Variants in SEMA3A observed in about 807,000 individuals in gnomAD.
The protein encoded by SEMA3A is semaphorin-3A.
In SEMA3A, 29 loss-of-function variants were observed where a neutral mutation model predicts 97.9. That is an observed-to-expected ratio of 0.30 (90% CI 0.22 to 0.40). The LOEUF (loss-of-function observed/expected upper bound fraction) is 0.40, where lower values mean the gene tolerates loss of function less well. SEMA3A is among the 10% of genes least tolerant of loss of function. The probability of loss-of-function intolerance (pLI) is 1.00; values close to 1 mark genes in which losing one functional copy is unlikely to be tolerated. For missense variants in SEMA3A, 763 were observed against 951.3 expected (o/e 0.80, Z 2.60); for synonymous variants, 321 against 323.7 (o/e 0.99, Z 0.09).
intron 3 of SEMA3A, among the ~76,000 whole-genome samples, chr7:84,123,739 A>C (rs1795704385): frequency 7.0e-6 from 1 of 142,550 alleles, no homozygotes; most frequent in South Asian, 2.2e-4. Flanking sequence ...ATATATTTAA[A>C]ATATACAATT....
At chr7:84,143,627 A>G (rs987240559) in intron 1 of SEMA3A, among the ~76,000 whole-genome samples, 9 of 143,754 alleles carry the variant, frequency 6.3e-5, no homozygotes, top group African/African-American at 2.3e-4. Flanking sequence ...AGGCCAAGGT[A>G]GGAGGATTGC....
intron 1 of SEMA3A, among the ~76,000 whole-genome samples, chr7:84,378,412 A>G (rs938836231): frequency 2.0e-5 from 3 of 152,146 alleles, no homozygotes; most frequent in African/African-American, 4.8e-5. Context: ...CTTTGCAGGG[A>G]CATGGGCGAA....
At chr7:84,443,601 T>C (rs1251498924) in intron 1 of SEMA3A, among the ~76,000 whole-genome samples, 1 of 152,194 alleles carries the variant, frequency 6.6e-6, no homozygotes, top group African/African-American at 2.4e-5. Context: ...GAAATTGCTC[T>C]TCTTTGTTAA....
At chr7:84,195,231 G>C (rs1325568541), upstream of SEMA3A, 1 of 152,114 alleles carries the variant, frequency 6.6e-6, no homozygotes, top group Non-Finnish European at 1.5e-5. Context: ...GTAGAGATTA[G>C]AGCCGGGAGC....
intron 1 of SEMA3A, among the ~76,000 whole-genome samples, chr7:84,476,865 A>G (rs1361998997): frequency 3.3e-5 from 5 of 151,868 alleles, no homozygotes; most frequent in Non-Finnish European, 7.4e-5. Flanking sequence ...TAGAGACATA[A>G]CTACGATTAT....
Position 84,279,414 on chromosome 7 carries a change from C to T in SEMA3A, c.-83+27793G>A, listed in dbSNP as rs74701926. On this transcript the variant is annotated intron_variant, in intron 3 of 3. Transcript: ENST00000424555. ...CTTGGAGAAATACTGGAAAATTCCACATTGAGGAACATTCTACAAAATCAA... is the reference window on the plus strand; with the variant it reads ...CTTGGAGAAATACTGGAAAATTCCATATTGAGGAACATTCTACAAAATCAA... 6.2e-3 allele frequency among the ~76,000 whole-genome samples: 937 copies of T among 151,352 alleles called. 45 individuals carry two copies. The East Asian group carries it at 0.12, about 19-fold the overall frequency.
chr7:84,307,040 T>C (rs501174), intron 3 of SEMA3A, among the ~76,000 whole-genome samples: 102,781 of 151,354 alleles, frequency 0.68, 34,996 homozygotes, highest in Middle Eastern at 0.71. Context: ...TGGAGCCCTC[T>C]CATCTACCCA....
chr7:84,248,713 T>G (rs1799531279), intron 3 of SEMA3A, among the ~76,000 whole-genome samples: 1 of 152,130 alleles, frequency 6.6e-6, no homozygotes, highest in Non-Finnish European at 1.5e-5. Flanking sequence ...ACAACTCCAC[T>G]CTTTGATCTC....
At chr7:84,057,649 A>G (rs954443421) in intron 5 of SEMA3A, among the ~76,000 whole-genome samples, 2 of 151,836 alleles carry the variant, frequency 1.3e-5, no homozygotes, top group African/African-American at 4.8e-5. Flanking sequence ...CCTGTAGTCT[A>G]AGCTACTCAG....
chr7:84,432,394 C>T (rs1405867395), intron 1 of SEMA3A, among the ~76,000 whole-genome samples: 2 of 151,622 alleles, frequency 1.3e-5, no homozygotes, highest in African/African-American at 4.8e-5. Context: ...TTTATTATTT[C>T]AACATTTATT....
chr7:84,436,545 T>G (rs537371003), intron 1 of SEMA3A, among the ~76,000 whole-genome samples: 1 of 152,316 alleles, frequency 6.6e-6, no homozygotes. Context: ...AAAGTCTTTC[T>G]TTTATTCTTT....
chr7:84,062,478 T>C (rs1040486954), intron 4 of SEMA3A, among the ~76,000 whole-genome samples: 10 of 152,056 alleles, frequency 6.6e-5, no homozygotes, highest in African/African-American at 2.4e-4. Context: ...ACGCAGAAGA[T>C]GGTGATTTCT....
chr7:84,052,592 T>A (rs1198092123), intron 5 of SEMA3A, among the ~76,000 whole-genome samples: 1 of 152,128 alleles, frequency 6.6e-6, no homozygotes, highest in Non-Finnish European at 1.5e-5. Flanking sequence ...TCTATTTGAT[T>A]CTTCTCTCTT....
At chr7:84,062,710 G>A (rs538942364) in intron 4 of SEMA3A, among the ~76,000 whole-genome samples, 34 of 152,300 alleles carry the variant, frequency 2.2e-4, no homozygotes, top group African/African-American at 7.7e-4. Flanking sequence ...CGCTTTTCCG[G>A]CGGGCTTAAA....
chr7:84,200,027 G>A (rs576281688), upstream of SEMA3A, among the ~76,000 whole-genome samples: 6 of 152,060 alleles, frequency 3.9e-5, no homozygotes, highest in South Asian at 1.2e-3. Context: ...TCAATCTGTA[G>A]GGAAGCATTA....
intron 1 of SEMA3A, among the ~76,000 whole-genome samples, chr7:84,436,042 C>A (rs1189120245): frequency 1.3e-5 from 2 of 152,116 alleles, no homozygotes; most frequent in Non-Finnish European, 2.9e-5. Context: ...CTAAAACTAT[C>A]TGATGTTCAA....
intron 3 of SEMA3A, among the ~76,000 whole-genome samples, chr7:84,284,376 A>G (rs1024713846): frequency 1.3e-5 from 2 of 152,112 alleles, no homozygotes; most frequent in African/African-American, 2.4e-5. Flanking sequence ...TTCAATCACT[A>G]TGATTCAGGA....
chr7:84,105,840 T>C (rs1473164349), intron 4 of SEMA3A, among the ~76,000 whole-genome samples: 4 of 152,286 alleles, frequency 2.6e-5, no homozygotes, highest in Middle Eastern at 3.4e-3. Flanking sequence ...TCCAAACTCA[T>C]GTGTACTCTA....
In SEMA3A at chr7:84,109,619, T is replaced by C. The variant is rs988414314; in HGVS notation, c.453+851A>G. ...AAAGTTTAAGTTATAAAGAAGTAACTACCAGGTCAATTTTATCTTATCTTT... is the reference window on the plus strand; with the variant it reads ...AAAGTTTAAGTTATAAAGAAGTAACCACCAGGTCAATTTTATCTTATCTTT... On this transcript the variant is annotated intron_variant, in intron 4 of 16. Coordinates refer to ENST00000265362, the MANE Select transcript of SEMA3A (RefSeq NM_006080.3). 3.3e-5 allele frequency among the ~76,000 whole-genome samples: 5 copies of C among 152,202 alleles called. No individual in the cohort carries two copies. The South Asian group carries it at 8.3e-4, about 25-fold the overall frequency.
Sources: allele counts gnomAD v4.1 joint callset (sites outside exome capture counted in the v4.1 genomes callset), GRCh38; gene constraint gnomAD v4.1.1; transcripts MANE v1.5; gene names NCBI Gene and HGNC (gene_info 2026-07-23, HGNC 2026-07-21).